The following KCNA6 variants were observed in gnomAD, a reference collection of about 807,000 sequenced individuals.
KCNA6 encodes the protein human brain potassium channel-2.
KCNA6 carries 17 observed loss-of-function variants against 29.5 expected under a neutral mutation model. The observed-to-expected ratio is 0.58, with a 90% confidence interval of 0.39 to 0.86. KCNA6 has a LOEUF of 0.86. Ranked by LOEUF, KCNA6 falls within the 40% of genes least tolerant of loss-of-function variation. The probability of loss-of-function intolerance (pLI) is 0.00; values close to 1 mark genes in which losing one functional copy is unlikely to be tolerated. For missense variants in KCNA6, 450 were observed against 703.4 expected, an observed-to-expected ratio of 0.64 and a Z score of 4.07; for synonymous variants, 296 against 304.7, an observed-to-expected ratio of 0.97 and a Z score of 0.30.
the KCNA6 span, among the ~76,000 whole-genome samples, chr12:4,837,244 G>A: frequency 1.8e-4 from 27 of 152,210 alleles, no homozygotes; most frequent in African/African-American, 6.3e-4. Context: ...CACCCCAATA[G>A]GGCATAGAAG....
downstream of KCNA6, among the ~76,000 whole-genome samples, chr12:4,815,153 G>C (rs75409866): frequency 0.06 from 9,052 of 151,542 alleles, 452 homozygotes; most frequent in East Asian, 0.23. Context: ...CCTTCTATGT[G>C]TGTCTTCCTG....
the KCNA6 span, among the ~76,000 whole-genome samples, chr12:4,844,200 C>T: frequency 1.3e-5 from 2 of 152,194 alleles, no homozygotes; most frequent in Non-Finnish European, 2.9e-5. This position sits in a 1 kb window ranked among gnomAD's most constrained non-coding sequence, Gnocchi z 4.0. Flanking sequence ...ATTATGGATA[C>T]ATGTAGCAAA....
the KCNA6 span, among the ~76,000 whole-genome samples, chr12:4,847,340 G>A: frequency 2.0e-5 from 3 of 152,090 alleles, no homozygotes; most frequent in Non-Finnish European, 2.9e-5. Context: ...ATTCTTGAAC[G>A]TTTAAAAAAC....
chr12:4,822,073 G>A, the KCNA6 span, among the ~76,000 whole-genome samples: 1 of 152,158 alleles, frequency 6.6e-6, no homozygotes, highest in Non-Finnish European at 1.5e-5. Flanking sequence ...GACCTCAAGT[G>A]ATCCGCCCAC....
At chr12:4,827,987 A>G in the KCNA6 span, among the ~76,000 whole-genome samples, 1 of 152,260 alleles carries the variant, frequency 6.6e-6, no homozygotes, top group Non-Finnish European at 1.5e-5. Flanking sequence ...TCTGCTCATC[A>G]TCGAAAATTA....
In KCNA6 at chr12:4,810,651, C is replaced by G. The variant is rs371322666; in HGVS notation, c.610C>G (p.Arg204Gly). 1.4e-5 allele frequency: 23 copies of G among 1,610,042 alleles called. No homozygotes were observed. The highest frequency in any genetic ancestry group is 1.8e-5 in the Non-Finnish European group (21 of 1,178,468). ...CTTACCCCAGTTCCGTGTAGATGGT[C>G]GAGGTGGAAACAATGGTGGTGTGAG... is the stretch of plus-strand genomic sequence containing the variant. Residue 204 changes from arginine to glycine, a missense_variant, in exon 1 of 1, where the codon CGA becomes GGA. Physicochemically the swap from Arg to Gly is moderately radical, Grantham distance 125. Coordinates refer to ENST00000280684, the Ensembl canonical transcript of KCNA6. The surrounding 1 kb of genome is among the most constrained non-coding windows in gnomAD (Gnocchi z 7.5).
chr12:4,828,748 G>A, the KCNA6 span, among the ~76,000 whole-genome samples: 4 of 152,196 alleles, frequency 2.6e-5, no homozygotes, highest in Admixed American at 6.5e-5. Context: ...TGGGGTGGTA[G>A]GATTTCAGCC....
At chr12:4,825,802 A>T in the KCNA6 span, among the ~76,000 whole-genome samples, 1 of 152,230 alleles carries the variant, frequency 6.6e-6, no homozygotes, top group Non-Finnish European at 1.5e-5. Flanking sequence ...CTTGCTAGGA[A>T]ATGTCCACAG....
At chr12:4,841,939 G>T in the KCNA6 span, among the ~76,000 whole-genome samples, 101 of 151,902 alleles carry the variant, frequency 6.6e-4, no homozygotes, top group African/African-American at 2.3e-3. Flanking sequence ...ATGTATTGAG[G>T]TCCTCCTGTC....
the KCNA6 span, chr12:4,850,789 A>G: frequency 2.2e-6 from 1 of 454,642 alleles, no homozygotes; most frequent in Non-Finnish European, 4.4e-6. The surrounding 1 kb of genome is among the most constrained non-coding windows in gnomAD (Gnocchi z 5.4). Flanking sequence ...TAGAATTCTG[A>G]CAGCAGCTGG....
chr12:4,830,581 C>A, the KCNA6 span, among the ~76,000 whole-genome samples: 1 of 152,234 alleles, frequency 6.6e-6, no homozygotes, highest in Non-Finnish European at 1.5e-5. Context: ...CGCCATCCTC[C>A]ACCCCGCAAC....
the KCNA6 span, among the ~76,000 whole-genome samples, chr12:4,846,913 A>G: frequency 2.0e-5 from 3 of 151,174 alleles, no homozygotes; most frequent in Non-Finnish European, 4.4e-5. Flanking sequence ...CAAGTAGCTT[A>G]GACTACAGGC....
chr12:4,846,383 C>A, the KCNA6 span, among the ~76,000 whole-genome samples: 4 of 152,274 alleles, frequency 2.6e-5, no homozygotes, highest in Middle Eastern at 3.4e-3. Flanking sequence ...TAGACACATA[C>A]CCATCTCAAC....
At position 4,811,655 on chromosome 12, in the gene KCNA6, A is replaced by G; in HGVS notation, c.*24A>G. On this transcript the variant is annotated 3_prime_UTR_variant, in exon 1 of 1. Transcript: ENST00000280684. This position sits in a 1 kb window ranked among gnomAD's most constrained non-coding sequence, Gnocchi z 7.1. ...GACCCATGCAGGCAGGGCCTGCAGGAGGGGAGCACTGAGCTAACAGTCTCT... is the reference window on the plus strand; with the variant it reads ...GACCCATGCAGGCAGGGCCTGCAGGGGGGGAGCACTGAGCTAACAGTCTCT... 6.3e-7 allele frequency: 1 copy of G among 1,597,408 alleles called. No homozygotes were observed. The highest frequency in any genetic ancestry group is 8.5e-7 in the Non-Finnish European group (1 of 1,170,590).
At chr12:4,822,890 G>A in the KCNA6 span, among the ~76,000 whole-genome samples, 1 of 152,220 alleles carries the variant, frequency 6.6e-6, no homozygotes, top group Non-Finnish European at 1.5e-5. Context: ...GTTATTCCCA[G>A]TTGGTTTCAG....
chr12:4,843,781 C>A, the KCNA6 span, among the ~76,000 whole-genome samples: 1 of 152,106 alleles, frequency 6.6e-6, no homozygotes, highest in Admixed American at 6.5e-5. Context: ...TTTAAAACAA[C>A]CAGATATCAT....
chr12:4,810,514 G>T lies in KCNA6; in HGVS notation c.473G>T (p.Arg158Leu), dbSNP rs1331664486. The change falls in exon 1 of 1, where the codon CGC (arginine) becomes CTC (leucine). Residue 158 changes from arginine to leucine, a missense_variant. By Grantham distance (102) the Arg-to-Leu change is moderately radical (BLOSUM62 -2). Coordinates refer to ENST00000280684, the Ensembl canonical transcript of KCNA6. This position sits in a 1 kb window ranked among gnomAD's most constrained non-coding sequence, Gnocchi z 7.5. The stretch of plus-strand genomic sequence containing the variant: ...CCGCTGCCCTCCCAGCCCTTCCAGC[G>T]CCAGGTGTGGCTGCTCTTTGAGTAC... 6.2e-7 allele frequency: 1 copy of T among 1,614,038 alleles called. No homozygotes were observed. Among genetic ancestry groups the T allele is most frequent in the Non-Finnish European group, 8.5e-7 (1 of 1,180,048 alleles).
At chr12:4,820,637 C>T in the KCNA6 span, among the ~76,000 whole-genome samples, 1 of 151,568 alleles carries the variant, frequency 6.6e-6, no homozygotes, top group Non-Finnish European at 1.5e-5. Flanking sequence ...AACTCCTTAG[C>T]AGAGCTGCCC....
At chr12:4,838,542 C>T in the KCNA6 span, among the ~76,000 whole-genome samples, 9 of 152,194 alleles carry the variant, frequency 5.9e-5, no homozygotes, top group East Asian at 1.9e-4. Flanking sequence ...TTTACTCAGT[C>T]GCCTCTGAAA....
Sources: gnomAD v4.1 joint callset for allele counts (sites outside exome capture counted in the v4.1 genomes callset) on GRCh38, gnomAD v4.1.1 for gene constraint, Gnocchi (gnomAD v3.1) non-coding constraint, MANE v1.5 for transcripts, NCBI Gene and HGNC (gene_info 2026-07-23, HGNC 2026-07-21) for gene names.